The following FCHO2 variants were observed in gnomAD, a reference collection of about 807,000 sequenced individuals.
FCHO2 encodes F-BAR domain only protein 2.
Under a neutral mutation model 114.1 loss-of-function variants are expected in FCHO2, and 43 were observed. That is an observed-to-expected ratio of 0.38 (90% CI 0.30 to 0.49). FCHO2 has a LOEUF of 0.49. FCHO2 is among the 20% of genes least tolerant of loss of function. The probability of loss-of-function intolerance (pLI) is 0.97; values close to 1 mark genes in which losing one functional copy is unlikely to be tolerated. For synonymous variants in FCHO2, 293 were observed against 315.2 expected, an observed-to-expected ratio of 0.93 and a Z score of 0.75; for missense variants, 807 against 950.4, an observed-to-expected ratio of 0.85 and a Z score of 1.98.
intron 1 of FCHO2, among the ~76,000 whole-genome samples, chr5:72,962,175 T>C (rs1445807488): frequency 6.6e-6 from 1 of 152,178 alleles, no homozygotes. Flanking sequence ...ACCTTAATTA[T>C]AGGAGAAATT....
At chr5:73,069,314 G>A (rs1168597091) in intron 19 of FCHO2, among the ~76,000 whole-genome samples, 1 of 152,066 alleles carries the variant, frequency 6.6e-6, no homozygotes, top group Non-Finnish European at 1.5e-5. Flanking sequence ...GATGATTCAA[G>A]TGCATTACAT....
intron 10 of FCHO2, chr5:73,037,894 G>C (rs967608818): frequency 3.3e-6 from 1 of 303,444 alleles, no homozygotes; most frequent in Non-Finnish European, 6.6e-6. Flanking sequence ...CAAGTAGCTG[G>C]AATTACGGCG....
In FCHO2 at chr5:72,994,199, A is replaced by G. The variant is rs574576586; in HGVS notation, c.495+3335A>G. 2.6e-5 allele frequency among the ~76,000 whole-genome samples: 4 copies of G among 152,360 alleles called. No homozygotes were observed. In the East Asian group the frequency reaches 7.7e-4, roughly 29 times the overall value. Reference sequence around the variant, plus strand: ...GAAACTATCAAAAGAGTAAATAGACAACCTGTAGAATGGGAGAAAATGTTT... The same window carrying G: ...GAAACTATCAAAAGAGTAAATAGACGACCTGTAGAATGGGAGAAAATGTTT... On this transcript the variant is annotated intron_variant, in intron 5 of 25. Coordinates refer to ENST00000430046, the MANE Select transcript of FCHO2 (RefSeq NM_138782.3).
In FCHO2 at chr5:73,015,788, A is replaced by T. The variant is rs1025936851; in HGVS notation, c.699+64A>T. On this transcript the variant is annotated intron_variant, in intron 7 of 25. Transcript: ENST00000430046. The stretch of plus-strand genomic sequence containing the variant: ...ATTTGTTTATTTATAGCTCTTTAAA[A>T]ATATTTTCTCACTCTGTTCAAAGTT... The T allele has an allele frequency of 3.5e-5, 34 of 963,962 alleles. No individual in the cohort carries two copies. The Admixed American group carries it at 9.7e-4, about 27-fold the overall frequency. The allele number at this position is 963,962 out of a possible 1,614,324, so 59.7% of individuals were successfully genotyped here. A position where few individuals can be genotyped will look rare whatever the true frequency, so the allele number is the denominator to read the frequency against.
chr5:72,972,518 A>G (rs1031728474), intron 2 of FCHO2, among the ~76,000 whole-genome samples: 1 of 152,096 alleles, frequency 6.6e-6, no homozygotes, highest in African/African-American at 2.4e-5. Context: ...TTGTTGGTGT[A>G]TAAGAATGCT....
chr5:73,024,075 T>A (rs554621438), intron 8 of FCHO2, among the ~76,000 whole-genome samples: 4 of 152,304 alleles, frequency 2.6e-5, no homozygotes, highest in African/African-American at 9.6e-5. Context: ...TCCTTTTTTT[T>A]TTGAGACATG....
chr5:73,052,077 C>G (rs1015875244), intron 12 of FCHO2, among the ~76,000 whole-genome samples: 7 of 151,958 alleles, frequency 4.6e-5, no homozygotes, highest in African/African-American at 1.7e-4. Context: ...GTGCATGCCA[C>G]CATGCCGAGC....
intron 24 of FCHO2, among the ~76,000 whole-genome samples, chr5:73,083,939 A>G (rs965000108): frequency 1.3e-5 from 2 of 151,656 alleles, no homozygotes; most frequent in Non-Finnish European, 2.9e-5. Context: ...CAGTTCTCTA[A>G]AAGAACCTTT....
chr5:72,971,538 G>T (rs1429229009), intron 2 of FCHO2, among the ~76,000 whole-genome samples: 60 of 152,166 alleles, frequency 3.9e-4, no homozygotes, highest in African/African-American at 1.4e-3. Flanking sequence ...GCCCACTTTT[G>T]GATGGGGTTG....
At chr5:72,960,095 T>A (rs761105099) in intron 1 of FCHO2, among the ~76,000 whole-genome samples, 25 of 152,256 alleles carry the variant, frequency 1.6e-4, no homozygotes, top group Non-Finnish European at 3.1e-4. Context: ...TTTAGGTTTC[T>A]AATCAAACAA....
intron 16 of FCHO2, among the ~76,000 whole-genome samples, chr5:73,057,961 ATTAAT>A (rs1157170769): frequency 6.6e-5 from 10 of 152,172 alleles, no homozygotes; most frequent in Non-Finnish European, 1.2e-4. Context: ...AAATCTGTTA[ATTAAT>A]TTCTACACAT....
chr5:73,038,498 T>C (rs1756644740), intron 10 of FCHO2, among the ~76,000 whole-genome samples: 1 of 152,220 alleles, frequency 6.6e-6, no homozygotes, highest in African/African-American at 2.4e-5. Context: ...GACTGAAAAT[T>C]AGTTTAAAAA....
In FCHO2 at chr5:73,088,220, A is replaced by G; in HGVS notation, c.*130A>G. The G allele has an allele frequency of 8.3e-7, 1 of 1,205,992 alleles. No homozygotes were observed. Among genetic ancestry groups the G allele is most frequent in the South Asian group, 1.4e-5 (1 of 73,880 alleles). 74.7% of individuals were successfully genotyped at this position (1,205,992 alleles called of 1,614,324 possible). A position where few individuals can be genotyped will look rare whatever the true frequency, so the allele number is the denominator to read the frequency against. On this transcript the variant is annotated 3_prime_UTR_variant, in exon 26 of 26. Transcript: ENST00000430046. The stretch of plus-strand genomic sequence containing the variant: ...AGACATATTTGAGAGCTGACTACAA[A>G]CATTAAATCGCACTTTTAAAGTGAG...
At chr5:72,983,106 G>A (rs1753312987) in intron 2 of FCHO2, among the ~76,000 whole-genome samples, 1 of 151,912 alleles carries the variant, frequency 6.6e-6, no homozygotes, top group African/African-American at 2.4e-5. Context: ...TAGAGACGGG[G>A]TTTCATCATG....
rs1011071889 is a variant in FCHO2 at position 73,000,833 on chromosome 5, C to T, written c.496-5612C>T. ...ATGTTGCACAGGCTGGTCTCAAATT[C>T]CTAGTCTCAAGCCATCTTCCTGCTT... On this transcript the variant is annotated intron_variant, in intron 5 of 25. Coordinates refer to ENST00000430046, the MANE Select transcript of FCHO2 (RefSeq NM_138782.3). Among the ~76,000 whole-genome samples the T allele has an allele frequency of 3.9e-5, 6 of 152,148 alleles. 1 individual carries two copies. The South Asian group carries it at 1.0e-3, about 26-fold the overall frequency.
chr5:73,044,399 T>A (rs1047796810), intron 11 of FCHO2, among the ~76,000 whole-genome samples: 1 of 152,174 alleles, frequency 6.6e-6, no homozygotes, highest in Non-Finnish European at 1.5e-5. Flanking sequence ...CCACCATGCC[T>A]GGCTATGTTT....
chr5:73,068,720 A>G lies in FCHO2; in HGVS notation c.1520A>G (p.Glu507Gly), dbSNP rs1334146360. ...PPPAAPLARAESSSSISSSAS... is the reference protein window; with the variant it reads ...PPPAAPLARAGSSSSISSSAS... Reference sequence around the variant, plus strand: ...CCTGCTGCACCATTAGCCCGGGCAGAAAGTTCTTCTTCTATCTCATCATCT... The same window carrying G: ...CCTGCTGCACCATTAGCCCGGGCAGGAAGTTCTTCTTCTATCTCATCATCT... Residue 507 changes from glutamate to glycine, a missense_variant, in exon 19 of 26, where the codon GAA becomes GGA. Glu to Gly is a moderately conservative substitution (Grantham distance 98). Transcript: ENST00000430046. The G allele has an allele frequency of 7.4e-6, 12 of 1,612,448 alleles. No individual in the cohort carries two copies. In the South Asian group the frequency reaches 1.3e-4, roughly 18 times the overall value.
chr5:73,050,615 C>T (rs1580168221), intron 11 of FCHO2, among the ~76,000 whole-genome samples: 2 of 152,190 alleles, frequency 1.3e-5, no homozygotes, highest in African/African-American at 4.8e-5. Context: ...CTGCACCGGG[C>T]CCGCTTTCTG....
chr5:72,986,190 C>T (rs1453240596), intron 2 of FCHO2, among the ~76,000 whole-genome samples: 17 of 151,968 alleles, frequency 1.1e-4, no homozygotes, highest in Non-Finnish European at 1.5e-5. Flanking sequence ...TAAACCCCAT[C>T]CAAGGAGATA....
Sources: gnomAD v4.1 joint callset for allele counts (sites outside exome capture counted in the v4.1 genomes callset) on GRCh38, gnomAD v4.1.1 for gene constraint, MANE v1.5 for transcripts, NCBI Gene and HGNC (gene_info 2026-07-23, HGNC 2026-07-21) for gene names.